KCND2: variants seen among roughly 807,000 people sequenced by gnomAD.
KCND2 encodes A-type voltage-gated potassium channel KCND2.
In KCND2, 16 loss-of-function variants were observed where a neutral mutation model predicts 54.4. The ratio of observed to expected loss-of-function variants is 0.29; its 90% CI spans 0.20 to 0.45. The LOEUF (loss-of-function observed/expected upper bound fraction) is 0.45, where lower values mean the gene tolerates loss of function less well. KCND2 is among the 20% of genes least tolerant of loss of function. The pLI, the probability that KCND2 is intolerant of heterozygous loss-of-function variation, is 1.00. For synonymous variants in KCND2, 317 were observed against 310.7 expected, an observed-to-expected ratio of 1.02 and a Z score of -0.21; for missense variants, 486 against 824.2, an observed-to-expected ratio of 0.59 and a Z score of 5.02.
chr7:120,301,384 G>A lies in KCND2; in HGVS notation c.1115+25637G>A, dbSNP rs542353178. ...GGCATTTTCCCCTCAGTAAACAAAT[G>A]AAGTAGAATTTGTTATCAGGTAAAT... is the stretch of plus-strand genomic sequence containing the variant. On this transcript the variant is annotated intron_variant, in intron 1 of 5. Coordinates refer to ENST00000331113, the MANE Select transcript of KCND2 (RefSeq NM_012281.3). 2.6e-5 allele frequency among the ~76,000 whole-genome samples: 4 copies of A among 152,204 alleles called. No individual in the cohort carries two copies. The South Asian group carries it at 8.3e-4, about 32-fold the overall frequency.
intron 1 of KCND2, among the ~76,000 whole-genome samples, chr7:120,709,885 G>A (rs1017916656): frequency 1.3e-5 from 2 of 152,150 alleles, no homozygotes; most frequent in Admixed American, 6.6e-5. Context: ...CCAAGGAATG[G>A]TTTCCATGCA....
chr7:120,558,727 G>A (rs1792195443), intron 1 of KCND2, among the ~76,000 whole-genome samples: 1 of 152,042 alleles, frequency 6.6e-6, no homozygotes, highest in Admixed American at 6.6e-5. Flanking sequence ...CTTTATAGGT[G>A]GGATAATTTG....
chr7:120,571,325 T>C (rs1005560190), intron 1 of KCND2, among the ~76,000 whole-genome samples: 5 of 152,218 alleles, frequency 3.3e-5, no homozygotes, highest in Admixed American at 2.0e-4. Context: ...TGAAGTCTAA[T>C]AAATGAATTA....
chr7:120,303,429 TA>T (rs1484947613), intron 1 of KCND2, among the ~76,000 whole-genome samples: 7 of 152,190 alleles, frequency 4.6e-5, no homozygotes, highest in African/African-American at 1.7e-4. Context: ...AAGTTAAAGA[TA>T]AAATCATTAA....
chr7:120,319,571 C>T (rs1368543370), intron 1 of KCND2, among the ~76,000 whole-genome samples: 1 of 151,986 alleles, frequency 6.6e-6, no homozygotes, highest in East Asian at 1.9e-4. Context: ...AAAGGCAGGT[C>T]AAAATAAATA....
At chr7:120,343,570 C>T (rs1800272184) in intron 1 of KCND2, among the ~76,000 whole-genome samples, 1 of 152,066 alleles carries the variant, frequency 6.6e-6, no homozygotes, top group African/African-American at 2.4e-5. Flanking sequence ...GAAGGAAATC[C>T]TCATATGCAG....
intron 1 of KCND2, among the ~76,000 whole-genome samples, chr7:120,656,708 A>G (rs1235003251): frequency 6.6e-6 from 1 of 152,146 alleles, no homozygotes; most frequent in Admixed American, 6.5e-5. Flanking sequence ...TCATATGCAG[A>G]CTAATTAATA....
chr7:120,328,544 G>A (rs1376305159), intron 1 of KCND2, among the ~76,000 whole-genome samples: 3 of 152,084 alleles, frequency 2.0e-5, no homozygotes, highest in Non-Finnish European at 4.4e-5. Flanking sequence ...ATGAATAGAT[G>A]ATGATGATGT....
chr7:120,695,785 G>T (rs190736393), intron 1 of KCND2, among the ~76,000 whole-genome samples: 7 of 152,260 alleles, frequency 4.6e-5, no homozygotes, highest in Non-Finnish European at 8.8e-5. Context: ...ACTAAAGTTT[G>T]TGATGATATA....
At chr7:120,544,737 G>A (rs1054369868) in intron 1 of KCND2, among the ~76,000 whole-genome samples, 20 of 151,736 alleles carry the variant, frequency 1.3e-4, no homozygotes, top group African/African-American at 4.6e-4. Context: ...ATCATTACAC[G>A]TTTTCCCACA....
intron 1 of KCND2, among the ~76,000 whole-genome samples, chr7:120,444,028 G>T (rs1178648206): frequency 6.6e-6 from 1 of 152,010 alleles, no homozygotes; most frequent in Non-Finnish European, 1.5e-5. Flanking sequence ...AGCATGAAAT[G>T]TCACTCCCTC....
intron 1 of KCND2, among the ~76,000 whole-genome samples, chr7:120,642,299 C>G (rs989181588): frequency 6.6e-6 from 1 of 151,422 alleles, no homozygotes; most frequent in Non-Finnish European, 1.5e-5. Flanking sequence ...CCTGTAATTC[C>G]AGCACTTTGG....
intron 1 of KCND2, among the ~76,000 whole-genome samples, chr7:120,306,212 G>A (rs912639780): frequency 6.6e-5 from 10 of 151,848 alleles, no homozygotes; most frequent in African/African-American, 1.7e-4. Flanking sequence ...CACCTCCTCC[G>A]TAAAACAGCA....
At chr7:120,601,067 T>A (rs1427152513) in intron 1 of KCND2, among the ~76,000 whole-genome samples, 1 of 152,150 alleles carries the variant, frequency 6.6e-6, no homozygotes, top group African/African-American at 2.4e-5. Flanking sequence ...TAAACATTTC[T>A]TAAATTTTTT....
At chr7:120,500,474 A>G (rs1343600015) in intron 1 of KCND2, among the ~76,000 whole-genome samples, 2 of 152,142 alleles carry the variant, frequency 1.3e-5, no homozygotes, top group African/African-American at 4.8e-5. Context: ...TTGGGGCATT[A>G]TCGCAAAATT....
chr7:120,594,909 A>T (rs958165432), intron 1 of KCND2, among the ~76,000 whole-genome samples: 3 of 151,698 alleles, frequency 2.0e-5, no homozygotes, highest in Admixed American at 6.6e-5. Context: ...AATCCTAGCT[A>T]CTCAGGAGGC....
At chr7:120,309,450 A>AACATATATATATATATAT (rs1799696218) in intron 1 of KCND2, among the ~76,000 whole-genome samples, 4 of 28,280 alleles carry the variant, frequency 1.4e-4, no homozygotes, top group Non-Finnish European at 4.6e-4. Context: ...TATAATAGAA[A>AACATATATATATATATAT]ACATATATAT....
intron 1 of KCND2, among the ~76,000 whole-genome samples, chr7:120,729,284 T>C (rs559212077): frequency 3.1e-4 from 47 of 152,068 alleles, no homozygotes; most frequent in Non-Finnish European, 6.2e-4. Context: ...AAAACAGACA[T>C]GAATCATACT....
At chr7:120,369,901 TTATACA>T in intron 1 of KCND2, among the ~76,000 whole-genome samples, 1 of 152,016 alleles carries the variant, frequency 6.6e-6, no homozygotes, top group Non-Finnish European at 1.5e-5. Flanking sequence ...AATCATGAAC[TTATACA>T]TATATCACAT....
Sources: gnomAD v4.1 joint callset for allele counts (sites outside exome capture counted in the v4.1 genomes callset) on GRCh38, gnomAD v4.1.1 for gene constraint, MANE v1.5 for transcripts, NCBI Gene and HGNC (gene_info 2026-07-23, HGNC 2026-07-21) for gene names.